BRPF3: variants seen among roughly 807,000 people sequenced by gnomAD.
The protein encoded by BRPF3 is bromodomain and PHD finger containing 3.
BRPF3 carries 18 observed loss-of-function variants against 102.0 expected under a neutral mutation model. That is an observed-to-expected ratio of 0.18 (90% CI 0.12 to 0.26). BRPF3 has a LOEUF of 0.26. Among genes scored for constraint, BRPF3 ranks in the 10% least tolerant of loss-of-function variants. The pLI, the probability that BRPF3 is intolerant of heterozygous loss-of-function variation, is 1.00. For missense variants in BRPF3, 1,147 were observed against 1,567.8 expected (o/e 0.73, Z 4.53); for synonymous variants, 570 against 614.2 (o/e 0.93, Z 1.06).
chr6:36,208,437 A>G (rs1489860727), intron 4 of BRPF3, among the ~76,000 whole-genome samples: 1 of 152,156 alleles, frequency 6.6e-6, no homozygotes, highest in Non-Finnish European at 1.5e-5. Flanking sequence ...GGAGTTTGAG[A>G]TGAGCCAGGG....
In BRPF3 at chr6:36,200,348, G is replaced by T; in HGVS notation, c.26G>T (p.Arg9Leu). The change falls in exon 2 of 13, where the codon CGG becomes CTG. Residue 9 changes from arginine to leucine, a missense_variant. This residue lies in a region of BRPF3 where 38 missense variants were observed against 34.3 expected (regional missense o/e 1.11). Coordinates refer to ENST00000357641, the MANE Select transcript of BRPF3 (RefSeq NM_015695.3). The surrounding 1 kb of genome is among the most constrained non-coding windows in gnomAD (Gnocchi z 5.3). MRKPRRKS[R>L]QNAEGRRSPS... ...ATGAGGAAGCCTCGTCGGAAGTCCC[G>T]GCAGAATGCCGAGGGCCGGCGTTCC... 5.0e-6 allele frequency: 8 copies of T among 1,614,022 alleles called. No individual in the cohort carries two copies. The highest frequency in any genetic ancestry group is 1.3e-5 in the African/African-American group (1 of 75,054).
intron 8 of BRPF3, among the ~76,000 whole-genome samples, chr6:36,216,967 C>G (rs1768349539): frequency 6.6e-6 from 1 of 152,170 alleles, no homozygotes; most frequent in African/African-American, 2.4e-5. Context: ...TGAACCCATG[C>G]TATTGAGGCT....
intron 7 of BRPF3, among the ~76,000 whole-genome samples, chr6:36,212,712 G>T (rs1434559057): frequency 2.0e-5 from 3 of 152,104 alleles, no homozygotes; most frequent in Non-Finnish European, 4.4e-5. Context: ...CCAGCACTTT[G>T]GGAGGCCGAG....
At chr6:36,219,274 G>A (rs1487310231) in intron 9 of BRPF3, among the ~76,000 whole-genome samples, 1 of 152,240 alleles carries the variant, frequency 6.6e-6, no homozygotes. Context: ...AACCCTCAGA[G>A]TTGCCCTAGC....
chr6:36,202,025 G>A (rs1686822168), intron 2 of BRPF3, among the ~76,000 whole-genome samples: 1 of 152,156 alleles, frequency 6.6e-6, no homozygotes, highest in South Asian at 2.1e-4. Flanking sequence ...GGATATCTAA[G>A]ACAGTATTTT....
In BRPF3 at chr6:36,222,181, C is replaced by A; in HGVS notation, c.3097C>A (p.Pro1033Thr). The change falls in exon 10 of 13, where the codon CCC (proline) becomes ACC (threonine). Residue 1033 changes from proline to threonine, a missense_variant. Pro to Thr is a conservative substitution (Grantham distance 38). Transcript: ENST00000357641. ...AFEACSGLTP[P>T]KRSRGKPALS... Reference sequence around the variant, plus strand: ...CTCTGTGTGCAGTGGTCTGACGCCCCCCAAACGCAGCCGTGGGAAGCCAGC... The same window carrying A: ...CTCTGTGTGCAGTGGTCTGACGCCCACCAAACGCAGCCGTGGGAAGCCAGC... 6.5e-7 allele frequency: 1 copy of A among 1,550,332 alleles called. No individual in the cohort carries two copies. The highest frequency in any genetic ancestry group is 8.7e-7 in the Non-Finnish European group (1 of 1,147,086).
intron 9 of BRPF3, among the ~76,000 whole-genome samples, chr6:36,219,634 C>G (rs1313308292): frequency 3.3e-5 from 5 of 152,186 alleles, no homozygotes; most frequent in Non-Finnish European, 5.9e-5. Flanking sequence ...CTGCAGAACT[C>G]CAGTGCAATG....
intron 9 of BRPF3, among the ~76,000 whole-genome samples, chr6:36,220,610 CGTGAACTTTGAGA>C (rs1768500778): frequency 6.6e-6 from 1 of 152,154 alleles, no homozygotes; most frequent in Admixed American, 6.5e-5. Context: ...CTCATCTTGA[CGTGAACTTTGAGA>C]GGCTTTCCTG....
rs371915331 is a variant in BRPF3 at position 36,200,365 on chromosome 6, C to T, written c.43C>T (p.Arg15Trp). The change falls in exon 2 of 13, where the codon CGG becomes TGG. Residue 15 changes from arginine (R) to tryptophan (W), a missense_variant. This residue lies in a region of BRPF3 where 38 missense variants were observed against 34.3 expected (regional missense o/e 1.11). Transcript: ENST00000357641. The surrounding 1 kb of genome is among the most constrained non-coding windows in gnomAD (Gnocchi z 5.3). Reference protein sequence around the residue: ...RRKSRQNAEGRRSPSPYSLKC... With the variant: ...RRKSRQNAEGWRSPSPYSLKC... ...GAAGTCCCGGCAGAATGCCGAGGGCCGGCGTTCCCCGTCCCCCTACAGTCT... is the reference window on the plus strand; with the variant it reads ...GAAGTCCCGGCAGAATGCCGAGGGCTGGCGTTCCCCGTCCCCCTACAGTCT... The T allele has an allele frequency of 2.2e-5, 35 of 1,614,054 alleles. No homozygotes were observed. Among genetic ancestry groups the T allele is most frequent in the African/African-American group, 9.3e-5 (7 of 74,956 alleles).
intron 3 of BRPF3, among the ~76,000 whole-genome samples, chr6:36,205,773 A>G (rs1767883215): frequency 6.6e-6 from 1 of 152,200 alleles, no homozygotes; most frequent in Non-Finnish European, 1.5e-5. Context: ...CTTGGAGAAC[A>G]TGTCCAATCT....
At chr6:36,215,928 G>A (rs1460085724) in intron 8 of BRPF3, among the ~76,000 whole-genome samples, 1 of 152,214 alleles carries the variant, frequency 6.6e-6, no homozygotes, top group Non-Finnish European at 1.5e-5. Flanking sequence ...TTTATGTGGT[G>A]ACTTTGGACT....
chr6:36,197,356 C>G (rs1331398474), intron 1 of BRPF3: 1 of 152,528 alleles, frequency 6.6e-6, no homozygotes, highest in Non-Finnish European at 1.5e-5. Flanking sequence ...CCTCTCCGCC[C>G]CGCTCATTCG....
chr6:36,211,084 TG>T, intron 6 of BRPF3, 173 bp from the exon 7 acceptor site: 1 of 693,200 alleles, frequency 1.4e-6, no homozygotes, highest in South Asian at 1.9e-5. Flanking sequence ...CTTGCCCCTG[TG>T]GCTGCCTTCT....
chr6:36,217,762 T>G (rs1768381710), intron 8 of BRPF3, among the ~76,000 whole-genome samples, 155 bp from the exon 9 acceptor site: 1 of 152,130 alleles, frequency 6.6e-6, no homozygotes, highest in Non-Finnish European at 1.5e-5. Flanking sequence ...CTTGATCAGA[T>G]CTTCTCTATC....
Position 36,210,413 on chromosome 6 carries a change from C to T in BRPF3, c.2064C>T (p.Ala688=). The change falls in exon 6 of 13, where the codon GCC becomes GCT. Residue 688 remains alanine, a synonymous_variant. Coordinates refer to ENST00000357641, the MANE Select transcript of BRPF3 (RefSeq NM_015695.3). The surrounding 1 kb of genome is among the most constrained non-coding windows in gnomAD (Gnocchi z 4.7). ...AAVRLRDLGG[A]ILRHARRQAE... The stretch of plus-strand genomic sequence containing the variant: ...TCCGCCTGCGGGACCTGGGAGGGGC[C>T]ATCCTACGGCACGCCCGGCGGCAGG... 6.2e-7 allele frequency: 1 copy of T among 1,613,950 alleles called. No homozygotes were observed. Among genetic ancestry groups the T allele is most frequent in the Non-Finnish European group, 8.5e-7 (1 of 1,180,034 alleles).
At chr6:36,219,075 G>C (rs1768436348) in intron 9 of BRPF3, among the ~76,000 whole-genome samples, 2 of 152,158 alleles carry the variant, frequency 1.3e-5, no homozygotes, top group Non-Finnish European at 2.9e-5. Context: ...GGGAGGAAAG[G>C]TCCCAGGGCA....
rs765922851 is a variant in BRPF3, at chr6:36,217,928, G to A, written c.3001G>A (p.Gly1001Ser). 4 of 1,613,154 alleles carry A rather than the reference G, an allele frequency of 2.5e-6. No homozygotes were observed. The highest frequency in any genetic ancestry group is 3.4e-6 in the Non-Finnish European group (4 of 1,179,590). The change falls in exon 9 of 13, where the codon GGC (glycine) becomes AGC (serine). Residue 1001 changes from glycine to serine, a missense_variant. This residue lies in a region of BRPF3 where 379 missense variants were observed against 426.3 expected (regional missense o/e 0.89). Coordinates refer to ENST00000357641, the MANE Select transcript of BRPF3 (RefSeq NM_015695.3). The stretch of plus-strand genomic sequence containing the variant: ...TGTGTCCTTGGCAGGCATGACCAAC[G>A]GCTTTGGAAAACACACCGAAAGCGG... ...QQEEETGMTN[G>S]FGKHTESGSD...
chr6:36,215,598 C>G (rs1331813589), intron 8 of BRPF3, among the ~76,000 whole-genome samples: 1 of 152,152 alleles, frequency 6.6e-6, no homozygotes, highest in Non-Finnish European at 1.5e-5. Flanking sequence ...GGTAGCATTG[C>G]TAGAGGTGTT....
chr6:36,228,790 A>G, intron 11 of BRPF3, 112 bp from the exon 12 acceptor site: 3 of 1,273,246 alleles, frequency 2.4e-6, no homozygotes, highest in Non-Finnish European at 3.3e-6. Context: ...AAGATATCCC[A>G]CTCAGGCCTG....
Sources: gnomAD v4.1 joint callset for allele counts (sites outside exome capture counted in the v4.1 genomes callset) on GRCh38, gnomAD v4.1.1 for gene constraint, gnomAD v4.1.1 regional missense constraint, Gnocchi (gnomAD v3.1) non-coding constraint, MANE v1.5 for transcripts, NCBI Gene and HGNC (gene_info 2026-07-23, HGNC 2026-07-21) for gene names.